The following DIAPH3 variants were observed in gnomAD, a reference collection of about 807,000 sequenced individuals.
DIAPH3 encodes diaphanous related formin 3.
DIAPH3 carries 117 observed loss-of-function variants against 144.3 expected under a neutral mutation model. That is an observed-to-expected ratio of 0.81 (90% CI 0.70 to 0.95). The LOEUF (loss-of-function observed/expected upper bound fraction) is 0.95, where lower values mean the gene tolerates loss of function less well. Ranked by LOEUF, DIAPH3 falls within the 40% of genes least tolerant of loss-of-function variation. The probability of loss-of-function intolerance (pLI) is 0.00; values close to 1 mark genes in which losing one functional copy is unlikely to be tolerated. For synonymous variants in DIAPH3, 519 were observed against 488.9 expected (o/e 1.06, Z -0.81); for missense variants, 1,421 against 1,412.7 (o/e 1.01, Z -0.09).
intron 2 of DIAPH3, among the ~76,000 whole-genome samples, chr13:60,114,617 A>G (rs918617594): frequency 6.7e-6 from 1 of 148,470 alleles, no homozygotes; most frequent in African/African-American, 2.5e-5. Context: ...CAAGAAGCTC[A>G]GCAAAACCCA....
intron 4 of DIAPH3, among the ~76,000 whole-genome samples, chr13:60,069,262 GTTGA>G (rs1279408375): frequency 6.6e-6 from 1 of 152,084 alleles, no homozygotes; most frequent in Non-Finnish European, 1.5e-5. Context: ...TCATATGCTT[GTTGA>G]TTATTTGTAT....
chr13:60,085,762 G>T (rs1404803025), intron 4 of DIAPH3, among the ~76,000 whole-genome samples: 1 of 151,848 alleles, frequency 6.6e-6, no homozygotes, highest in East Asian at 1.9e-4. Context: ...CTTTATATTT[G>T]TATATACAGA....
intron 17 of DIAPH3, among the ~76,000 whole-genome samples, chr13:59,945,851 C>T (rs2048768509): frequency 6.6e-6 from 1 of 151,910 alleles, no homozygotes; most frequent in African/African-American, 2.4e-5. Flanking sequence ...TTTTCCATAA[C>T]AATTATAATT....
Position 60,045,780 on chromosome 13 carries a change from T to C in DIAPH3, c.496-2960A>G, listed in dbSNP as rs546893441. On this transcript the variant is annotated intron_variant, in intron 4 of 27. Coordinates refer to ENST00000400324, the MANE Select transcript of DIAPH3 (RefSeq NM_001042517.2). ...AGGATCAAAATAAACCACAACTGAA[T>C]AAATAGATTTTTTTCTTCAACAATA... Among the ~76,000 whole-genome samples the C allele has an allele frequency of 3.3e-5, 5 of 152,278 alleles. No individual in the cohort carries two copies. The South Asian group carries it at 6.2e-4, about 19-fold the overall frequency.
chr13:59,802,127 C>T (rs964114429), intron 25 of DIAPH3, among the ~76,000 whole-genome samples: 6 of 152,114 alleles, frequency 3.9e-5, no homozygotes, highest in Non-Finnish European at 7.4e-5. Context: ...CCTGGCTCCA[C>T]CTATGACCTT....
At chr13:59,874,142 G>A (rs1187951552) in intron 21 of DIAPH3, among the ~76,000 whole-genome samples, 1 of 152,176 alleles carries the variant, frequency 6.6e-6, no homozygotes, top group East Asian at 1.9e-4. Context: ...CACATTTCAA[G>A]TTGAGTATGA....
At position 60,093,715 on chromosome 13, in the gene DIAPH3, A is replaced by C; in HGVS notation, c.408T>G (p.Asn136Lys). ...FEKMMEDMNL[N>K]EDKKAPLREK... The stretch of plus-strand genomic sequence containing the variant: ...CCCGCAATGGTGCCTTTTTATCTTC[A>C]TTTAAATTCATATCTTCCTGGAAAA... The change falls in exon 4 of 28, where the codon AAT (asparagine) becomes AAG (lysine). Residue 136 changes from asparagine (N) to lysine (K), a missense_variant. Coordinates refer to ENST00000400324, the MANE Select transcript of DIAPH3 (RefSeq NM_001042517.2). 1 of 1,611,006 alleles carries C rather than the reference A, an allele frequency of 6.2e-7. No homozygotes were observed. The highest frequency in any genetic ancestry group is 8.5e-7 in the Non-Finnish European group (1 of 1,177,994).
chr13:59,754,743 T>A (rs895629313), intron 27 of DIAPH3, among the ~76,000 whole-genome samples: 7 of 152,194 alleles, frequency 4.6e-5, no homozygotes, highest in African/African-American at 7.2e-5. Context: ...CTTGGATTAT[T>A]ATCAGTCTTG....
intron 27 of DIAPH3, among the ~76,000 whole-genome samples, chr13:59,673,732 C>G (rs530431236): frequency 1.3e-5 from 2 of 152,262 alleles, no homozygotes; most frequent in African/African-American, 4.8e-5. Context: ...GATGATTCAA[C>G]TAATTGTGCC....
intron 17 of DIAPH3, among the ~76,000 whole-genome samples, chr13:59,926,206 T>C (rs1389386610): frequency 6.6e-6 from 1 of 152,130 alleles, no homozygotes; most frequent in Non-Finnish European, 1.5e-5. Flanking sequence ...CAGGCTCGTC[T>C]TGAACTCCTG....
intron 27 of DIAPH3, among the ~76,000 whole-genome samples, chr13:59,704,775 G>T (rs1382408902): frequency 6.6e-6 from 1 of 152,152 alleles, no homozygotes; most frequent in Non-Finnish European, 1.5e-5. Context: ...TCCCATCTAG[G>T]TTTGTGTTAG....
In DIAPH3 at chr13:60,111,161, G is replaced by T. The variant is rs531859575; in HGVS notation, c.390+849C>A. On this transcript the variant is annotated intron_variant, in intron 3 of 27. Coordinates refer to ENST00000400324, the MANE Select transcript of DIAPH3 (RefSeq NM_001042517.2). ...CGGATGGGAGAAAAGTGCACTTTAC[G>T]ATCTTGAGTCCTCAAAGATAGTACT... Among the ~76,000 whole-genome samples, 10 of 152,194 alleles carry T rather than the reference G, an allele frequency of 6.6e-5. No homozygotes were observed. The South Asian group carries it at 1.7e-3, about 25-fold the overall frequency.
chr13:60,050,693 A>G (rs1213401839), intron 4 of DIAPH3, among the ~76,000 whole-genome samples: 1 of 152,202 alleles, frequency 6.6e-6, no homozygotes, highest in Non-Finnish European at 1.5e-5. Context: ...AACCATGGTA[A>G]GGACTTTAGG....
intron 24 of DIAPH3, among the ~76,000 whole-genome samples, chr13:59,829,220 A>C (rs1249826798): frequency 6.6e-6 from 1 of 151,954 alleles, no homozygotes; most frequent in Non-Finnish European, 1.5e-5. Context: ...TCCCAAGACA[A>C]TCTTAAACTA....
chr13:60,048,651 C>G (rs2056197791), intron 4 of DIAPH3, among the ~76,000 whole-genome samples: 1 of 113,122 alleles, frequency 8.8e-6, no homozygotes, highest in Admixed American at 9.3e-5. Context: ...CCATATTACT[C>G]AGCAATTGCA....
chr13:59,861,238 C>G, intron 22 of DIAPH3, 169 bp downstream of exon 22: 1 of 1,509,306 alleles, frequency 6.6e-7, no homozygotes, highest in Non-Finnish European at 8.8e-7. Flanking sequence ...CTCATAGCTC[C>G]AATCATGACA....
chr13:59,984,116 T>A (rs1422581872), intron 12 of DIAPH3, among the ~76,000 whole-genome samples: 2 of 151,662 alleles, frequency 1.3e-5, no homozygotes, highest in Non-Finnish European at 3.0e-5. Flanking sequence ...AAATACAGTA[T>A]CCCTTAATTT....
intron 27 of DIAPH3, among the ~76,000 whole-genome samples, chr13:59,672,986 C>G (rs922062561): frequency 6.6e-6 from 1 of 152,170 alleles, no homozygotes; most frequent in African/African-American, 2.4e-5. Flanking sequence ...AACTTCTATT[C>G]ATTCTTGTTC....
chr13:59,888,246 C>T (rs1344943375), intron 20 of DIAPH3, among the ~76,000 whole-genome samples: 1 of 151,990 alleles, frequency 6.6e-6, no homozygotes, highest in Non-Finnish European at 1.5e-5. Flanking sequence ...AGAGAGCTGC[C>T]TTGTCCCTCC....
Sources: gnomAD v4.1 joint callset for allele counts (sites outside exome capture counted in the v4.1 genomes callset) on GRCh38, gnomAD v4.1.1 for gene constraint, MANE v1.5 for transcripts, NCBI Gene and HGNC (gene_info 2026-07-23, HGNC 2026-07-21) for gene names.